MBNL2: variants seen among roughly 807,000 people sequenced by gnomAD.
The protein encoded by MBNL2 is muscleblind-like protein 2.
In MBNL2, 17 loss-of-function variants were observed where a neutral mutation model predicts 41.9. That is an observed-to-expected ratio of 0.41 (90% CI 0.28 to 0.61). The LOEUF (loss-of-function observed/expected upper bound fraction) is 0.61, where lower values mean the gene tolerates loss of function less well. Among genes scored for constraint, MBNL2 ranks in the 20% least tolerant of loss-of-function variants. The probability of loss-of-function intolerance (pLI) is 0.35; values close to 1 mark genes in which losing one functional copy is unlikely to be tolerated. For synonymous variants in MBNL2, 195 were observed against 182.9 expected (o/e 1.07, Z -0.53); for missense variants, 336 against 505.6 (o/e 0.66, Z 3.22).
chr13:97,338,474 C>CA (rs1485276707), intron 3 of MBNL2, among the ~76,000 whole-genome samples: 2 of 152,140 alleles, frequency 1.3e-5, no homozygotes, highest in Non-Finnish European at 2.9e-5. Flanking sequence ...ATGTCTGCAC[C>CA]AATAAATATT....
chr13:97,369,541 A>AT (rs890377853), intron 8 of MBNL2, among the ~76,000 whole-genome samples: 4 of 152,314 alleles, frequency 2.6e-5, no homozygotes, highest in East Asian at 3.9e-4. Context: ...ATTTTGACAG[A>AT]TTTTTTGTTA....
chr13:97,390,702 T>G (rs2066331242), intron 8 of MBNL2, among the ~76,000 whole-genome samples: 1 of 152,194 alleles, frequency 6.6e-6, no homozygotes, highest in African/African-American at 2.4e-5. Flanking sequence ...TTGGATGTAT[T>G]AAGAACTTTT....
Position 97,343,160 on chromosome 13 carries a change from G to A in MBNL2, c.484G>A (p.Val162Ile). 1 of 1,614,070 alleles carries A rather than the reference G, an allele frequency of 6.2e-7. No homozygotes were observed. Among genetic ancestry groups the A allele is most frequent in the East Asian group, 2.2e-5 (1 of 44,878 alleles). ...TGTTATTGTTCCCGGAAGTCCACCG[G>A]TCACTGTCCCGGGCTCAACTGCAAC... The part of the protein sequence containing the change: ...TPVIVPGSPP[V>I]TVPGSTATQK... Residue 162 changes from valine (V) to isoleucine (I), a missense_variant, in exon 4 of 9, where the codon GTC becomes ATC. By Grantham distance (29) the Val-to-Ile change is conservative. Transcript: ENST00000679496.
rs2152933910 is a variant in MBNL2, at chr13:97,278,440, T to C, written c.174+2031T>C. ...AAACATCACAATTTTTGCCAGATTTTTAAAAACCTTATATTCTTTAATGTA... is the reference window on the plus strand; with the variant it reads ...AAACATCACAATTTTTGCCAGATTTCTAAAAACCTTATATTCTTTAATGTA... On this transcript the variant is annotated intron_variant, in intron 2 of 8. Transcript: ENST00000679496. Among the ~76,000 whole-genome samples the C allele has an allele frequency of 2.0e-5, 3 of 152,220 alleles. 1 individual carries two copies. In the South Asian group the frequency reaches 6.2e-4, roughly 32 times the overall value.
intron 1 of MBNL2, among the ~76,000 whole-genome samples, chr13:97,269,252 G>A (rs1328393064): frequency 6.6e-6 from 1 of 152,138 alleles, no homozygotes; most frequent in Non-Finnish European, 1.5e-5. Context: ...CAGTGAGAGA[G>A]ACTTACACAA....
chr13:97,212,180 G>A, the MBNL2 span, among the ~76,000 whole-genome samples: 1 of 152,148 alleles, frequency 6.6e-6, no homozygotes, highest in African/African-American at 2.4e-5. Flanking sequence ...AGGCAAACTA[G>A]AGGCCAAAGT....
chr13:97,142,530 G>A, the MBNL2 span, among the ~76,000 whole-genome samples: 1 of 152,342 alleles, frequency 6.6e-6, no homozygotes, highest in East Asian at 1.9e-4. Flanking sequence ...TCCACACATA[G>A]TGTGGGTGTT....
chr13:97,360,263 T>A (rs1223552194), intron 7 of MBNL2, among the ~76,000 whole-genome samples: 1 of 152,196 alleles, frequency 6.6e-6, no homozygotes, highest in African/African-American at 2.4e-5. Flanking sequence ...ATTGACACAA[T>A]GTGAATTTGG....
At position 97,253,498 on chromosome 13, in the gene MBNL2, A is replaced by T. The variant is rs1489568501; in HGVS notation, c.-604-22134A>T. Among the ~76,000 whole-genome samples, 6 of 152,196 alleles carry T rather than the reference A, an allele frequency of 3.9e-5. 1 individual carries two copies. The highest frequency in any genetic ancestry group is 2.6e-4 in the Admixed American group (4 of 15,280). On this transcript the variant is annotated intron_variant, in intron 1 of 8. Coordinates refer to ENST00000679496, the MANE Select transcript of MBNL2 (RefSeq NM_001382683.1). The stretch of plus-strand genomic sequence containing the variant: ...CTGAGTTAAAATTTGATCCTTTGAG[A>T]TAGACACACCTGTGGCAGGTGAGTA...
intron 8 of MBNL2, among the ~76,000 whole-genome samples, chr13:97,380,026 T>C (rs1594292276): frequency 6.6e-6 from 1 of 152,346 alleles, no homozygotes; most frequent in East Asian, 1.9e-4. Context: ...TAATAAAATC[T>C]TATAGTATAA....
chr13:97,188,246 C>G, the MBNL2 span, among the ~76,000 whole-genome samples: 1 of 152,082 alleles, frequency 6.6e-6, no homozygotes, highest in Non-Finnish European at 1.5e-5. Context: ...TCCTCTGCAC[C>G]GGGGGCTCGC....
intron 8 of MBNL2, among the ~76,000 whole-genome samples, chr13:97,389,705 C>CA (rs915634753): frequency 4.0e-4 from 53 of 133,110 alleles, no homozygotes; most frequent in Non-Finnish European, 5.3e-4. Flanking sequence ...GACCCTGTCT[C>CA]AAAAAAAAAA....
At chr13:97,258,873 A>T (rs2048056943) in intron 1 of MBNL2, among the ~76,000 whole-genome samples, 1 of 152,168 alleles carries the variant, frequency 6.6e-6, no homozygotes, top group Non-Finnish European at 1.5e-5. Context: ...AGGCCAGAGG[A>T]AGGCCTGCTC....
chr13:97,362,195 C>G (rs2063471272), intron 7 of MBNL2, among the ~76,000 whole-genome samples: 1 of 151,860 alleles, frequency 6.6e-6, no homozygotes, highest in Admixed American at 6.6e-5. Context: ...GTTGAGCATC[C>G]CATATTTGAA....
At chr13:97,273,739 G>A (rs2051571069) in intron 1 of MBNL2, among the ~76,000 whole-genome samples, 1 of 152,064 alleles carries the variant, frequency 6.6e-6, no homozygotes, top group Admixed American at 6.6e-5. Context: ...CCCTTATAAG[G>A]GACCCATCAG....
the MBNL2 span, among the ~76,000 whole-genome samples, chr13:97,168,693 C>T: frequency 6.6e-6 from 1 of 152,086 alleles, no homozygotes; most frequent in Non-Finnish European, 1.5e-5. Context: ...TGAAGAGATA[C>T]CAATATAATG....
At chr13:97,232,798 A>T (rs1057254944) in intron 1 of MBNL2, among the ~76,000 whole-genome samples, 5 of 150,588 alleles carry the variant, frequency 3.3e-5, no homozygotes, top group Non-Finnish European at 5.9e-5. Flanking sequence ...CTAGGGCATC[A>T]TCTCCACTAT....
At chr13:97,325,098 A>G (rs1283732927) in intron 2 of MBNL2, among the ~76,000 whole-genome samples, 1 of 152,196 alleles carries the variant, frequency 6.6e-6, no homozygotes, top group Non-Finnish European at 1.5e-5. Context: ...AACTGGTTTC[A>G]TGTAAGGTTG....
intron 8 of MBNL2, among the ~76,000 whole-genome samples, chr13:97,370,864 C>CT (rs2064306174): frequency 6.6e-6 from 1 of 152,082 alleles, no homozygotes; most frequent in Non-Finnish European, 1.5e-5. Context: ...CTCTACTAAT[C>CT]ATCTCACAAA....
Sources: gnomAD v4.1 joint callset for allele counts (sites outside exome capture counted in the v4.1 genomes callset) on GRCh38, gnomAD v4.1.1 for gene constraint, MANE v1.5 for transcripts, NCBI Gene and HGNC (gene_info 2026-07-23, HGNC 2026-07-21) for gene names.